Variants in NETO1 observed in about 807,000 individuals in gnomAD.
NETO1 encodes neuropilin and tolloid like 1.
NETO1 carries 26 observed loss-of-function variants against 61.3 expected under a neutral mutation model. That is an observed-to-expected ratio of 0.42 (90% CI 0.31 to 0.59). The LOEUF (loss-of-function observed/expected upper bound fraction) is 0.59. NETO1 is among the 20% of genes least tolerant of loss of function. The pLI is 0.12. For synonymous variants in NETO1, 225 were observed against 225.8 expected (o/e 1.00, Z 0.03); for missense variants, 531 against 662.8 (o/e 0.80, Z 2.18).
intron 6 of NETO1, among the ~76,000 whole-genome samples, chr18:72,792,462 C>T (rs530932496): frequency 6.6e-6 from 1 of 151,670 alleles, no homozygotes; most frequent in East Asian, 2.0e-4. Flanking sequence ...TGCGGAGGGG[C>T]TCTTCTTTTC....
intron 7 of NETO1, among the ~76,000 whole-genome samples, chr18:72,767,639 G>C (rs2071209588): frequency 6.6e-6 from 1 of 151,894 alleles, no homozygotes; most frequent in South Asian, 2.1e-4. Context: ...AAAGTCCATC[G>C]ATAATTCATT....
chr18:72,796,144 G>T (rs1366389636), intron 4 of NETO1, among the ~76,000 whole-genome samples: 1 of 152,196 alleles, frequency 6.6e-6, no homozygotes, highest in Non-Finnish European at 1.5e-5. Context: ...TTCTGGAAGA[G>T]ATTAGTTTAG....
chr18:72,760,039 T>C (rs1386345376), intron 7 of NETO1, among the ~76,000 whole-genome samples: 3 of 152,196 alleles, frequency 2.0e-5, no homozygotes, highest in Middle Eastern at 3.2e-3. Flanking sequence ...TGCTATTGCT[T>C]TTTGTCACTG....
chr18:72,806,766 A>G (rs1334312115), intron 4 of NETO1, among the ~76,000 whole-genome samples: 6 of 152,142 alleles, frequency 3.9e-5, no homozygotes, highest in African/African-American at 1.4e-4. Flanking sequence ...TCCATTTCTT[A>G]GACCTGCGAT....
chr18:72,762,503 T>C (rs1489876909), intron 7 of NETO1, among the ~76,000 whole-genome samples: 1 of 152,184 alleles, frequency 6.6e-6, no homozygotes, highest in East Asian at 1.9e-4. Flanking sequence ...AGTATATGTA[T>C]ATATACATTA....
chr18:72,865,611 G>C, intron 1 of NETO1: 2 of 1,602,236 alleles, frequency 1.2e-6, no homozygotes, highest in Non-Finnish European at 8.5e-7. Context: ...TGAATGAAGA[G>C]AGGGGCCAGA....
In NETO1 at chr18:72,864,955, A is replaced by G. The variant is rs2074690438; in HGVS notation, c.83-10T>C. ...GAGGTGGTTTGCTTTTCTGTTAAAAAAAAAAAAAAGTTTTAAAAAGAGCCA... is the reference window on the plus strand; with the variant it reads ...GAGGTGGTTTGCTTTTCTGTTAAAAGAAAAAAAAAGTTTTAAAAAGAGCCA... On this transcript the variant is annotated splice_polypyrimidine_tract_variant and intron_variant, in intron 2 of 10. Transcript: ENST00000327305. 1 of 1,574,828 alleles carries G rather than the reference A, an allele frequency of 6.3e-7. No homozygotes were observed. Among genetic ancestry groups the G allele is most frequent in the Non-Finnish European group, 8.6e-7 (1 of 1,169,306 alleles).
intron 4 of NETO1, among the ~76,000 whole-genome samples, chr18:72,818,887 T>C (rs1842259916): frequency 6.6e-6 from 1 of 152,184 alleles, no homozygotes; most frequent in Non-Finnish European, 1.5e-5. Context: ...CACAAAAAAT[T>C]AAAAATTAGC....
At chr18:72,779,108 G>A (rs1317510604) in intron 7 of NETO1, among the ~76,000 whole-genome samples, 1 of 152,048 alleles carries the variant, frequency 6.6e-6, no homozygotes, top group African/African-American at 2.4e-5. Context: ...AAATATCCAG[G>A]TACTTTCTTA....
At position 72,745,416 on chromosome 18, in the gene NETO1, A is replaced by G. The variant is rs2070408902; in HGVS notation, c.*2763T>C. ...AAGTGAATGAAAACTTGAAAAAATA[A>G]AATGAAAAAGAATAGCTTTATGAAA... is the stretch of plus-strand genomic sequence containing the variant. On this transcript the variant is annotated 3_prime_UTR_variant, in exon 11 of 11. Coordinates refer to ENST00000327305, the MANE Select transcript of NETO1 (RefSeq NM_138966.5). 6.6e-6 allele frequency: 1 copy of G among 152,224 alleles called. No homozygotes were observed. Among genetic ancestry groups the G allele is most frequent in the African/African-American group, 2.4e-5 (1 of 41,470 alleles). 9.4% of individuals were successfully genotyped at this position (152,224 alleles called of 1,614,324 possible). A position where few individuals can be genotyped will look rare whatever the true frequency, so the allele number is the denominator to read the frequency against.
At chr18:72,812,901 T>C (rs1285341751) in intron 4 of NETO1, among the ~76,000 whole-genome samples, 1 of 152,204 alleles carries the variant, frequency 6.6e-6, no homozygotes, top group African/African-American at 2.4e-5. Context: ...ACACATAAAT[T>C]GTGTATAACT....
At chr18:72,839,097 A>G (rs185304730) in intron 4 of NETO1, among the ~76,000 whole-genome samples, 7 of 152,342 alleles carry the variant, frequency 4.6e-5, no homozygotes, top group Middle Eastern at 3.4e-3. Flanking sequence ...ACTGTTGCTT[A>G]ATGTCAAAAG....
At chr18:72,855,662 T>A (rs957530394) in intron 4 of NETO1, among the ~76,000 whole-genome samples, 1 of 152,142 alleles carries the variant, frequency 6.6e-6, no homozygotes, top group African/African-American at 2.4e-5. Context: ...TTATTTTAAG[T>A]TCAGTAGGAA....
intron 4 of NETO1, among the ~76,000 whole-genome samples, chr18:72,850,499 T>C (rs957500132): frequency 2.6e-5 from 4 of 152,214 alleles, no homozygotes; most frequent in Admixed American, 2.6e-4. Flanking sequence ...TCAAATTGTC[T>C]GCAAATTGTT....
intron 4 of NETO1, among the ~76,000 whole-genome samples, chr18:72,795,413 G>T (rs2072277930): frequency 6.6e-6 from 1 of 152,140 alleles, no homozygotes; most frequent in Non-Finnish European, 1.5e-5. Flanking sequence ...AGAGCATAAT[G>T]ACTATGAGTC....
At chr18:72,777,078 AAAG>A (rs2071571831) in intron 7 of NETO1, among the ~76,000 whole-genome samples, 1 of 152,204 alleles carries the variant, frequency 6.6e-6, no homozygotes, top group South Asian at 2.1e-4. Flanking sequence ...GAGACATAAG[AAAG>A]AAGCAGCAGG....
Position 72,793,739 on chromosome 18 carries a change from G to A in NETO1, c.639+378C>T, listed in dbSNP as rs75820571. ...ATGATTTTGTAGGCCCCAGAAAAAC[G>A]TCTACAGATAGAATTTTAGTTTACA... On this transcript the variant is annotated intron_variant, in intron 6 of 10. Transcript: ENST00000327305. 1.4e-3 allele frequency among the ~76,000 whole-genome samples: 215 copies of A among 152,236 alleles called. 2 individuals are homozygous for A. The highest frequency in any genetic ancestry group is 4.8e-3 in the African/African-American group (198 of 41,540).
At chr18:72,833,328 CAAG>C (rs1195771171) in intron 4 of NETO1, among the ~76,000 whole-genome samples, 1 of 152,158 alleles carries the variant, frequency 6.6e-6, no homozygotes, top group East Asian at 1.9e-4. Flanking sequence ...GCTAATATTT[CAAG>C]AAGACTTTCT....
In NETO1 at chr18:72,837,128, T is replaced by C. The variant is rs907964484; in HGVS notation, c.469+21698A>G. Among the ~76,000 whole-genome samples the C allele has an allele frequency of 2.6e-5, 4 of 152,288 alleles. No individual in the cohort carries two copies. The East Asian group carries it at 5.8e-4, about 22-fold the overall frequency. ...TGTTCAACAGAATAATAATATTCTA[T>C]TGTTCACAAGAGAATATTGTGCTAT... On this transcript the variant is annotated intron_variant, in intron 4 of 10. Transcript: ENST00000327305.
Sources: gnomAD v4.1 joint callset for allele counts (sites outside exome capture counted in the v4.1 genomes callset) on GRCh38, gnomAD v4.1.1 for gene constraint, MANE v1.5 for transcripts, NCBI Gene and HGNC (gene_info 2026-07-23, HGNC 2026-07-21) for gene names.